The following HCFC2 variants were observed in gnomAD, a reference collection of about 807,000 sequenced individuals.
HCFC2 encodes host cell factor C2, also known as host cell factor 2.
Under a neutral mutation model 89.2 loss-of-function variants are expected in HCFC2, and 18 were observed. The observed-to-expected ratio is 0.20, with a 90% CI of 0.14 to 0.30. The LOEUF is 0.30. Among genes scored for constraint, HCFC2 ranks in the 10% least tolerant of loss-of-function variants. The pLI is 1.00. For synonymous variants in HCFC2, 308 were observed against 335.7 expected (o/e 0.92, Z 0.90); for missense variants, 578 against 956.1 (o/e 0.60, Z 5.21).
chr12:104,078,601 G>A (rs1883586242), intron 3 of HCFC2, among the ~76,000 whole-genome samples: 1 of 152,070 alleles, frequency 6.6e-6, no homozygotes, highest in Non-Finnish European at 1.5e-5. Flanking sequence ...TTTTTAGTAT[G>A]CCTCATTTAT....
chr12:104,092,462 AAAAAAT>A (rs1400343295), intron 9 of HCFC2, among the ~76,000 whole-genome samples: 1 of 152,092 alleles, frequency 6.6e-6, no homozygotes, highest in Non-Finnish European at 1.5e-5. Flanking sequence ...CCTGTCTCAA[AAAAAAT>A]AAAAATAAAA....
chr12:104,079,400 G>T, intron 3 of HCFC2, 45 bp from the exon 4 acceptor site: 1 of 1,350,306 alleles, frequency 7.4e-7, no homozygotes, highest in Non-Finnish European at 1.0e-6. Flanking sequence ...GCAAATAAAG[G>T]GTATATATTA....
At chr12:104,084,996 G>T (rs1883792309) in intron 7 of HCFC2, among the ~76,000 whole-genome samples, 1 of 152,090 alleles carries the variant, frequency 6.6e-6, no homozygotes. Flanking sequence ...GATCAAGCAG[G>T]CATTTGAATG....
Position 104,102,958 on chromosome 12 carries a change from G to A in HCFC2, c.2065-1G>A. The A allele has an allele frequency of 2.5e-5, 39 of 1,583,772 alleles. No homozygotes were observed. Among genetic ancestry groups the A allele is most frequent in the East Asian group, 1.8e-4 (8 of 43,674 alleles). On this transcript the variant is annotated splice_acceptor_variant, in intron 14 of 14. Transcript: ENST00000229330. LOFTEE classifies it high-confidence loss of function. ...ACCTGTTTTTTCCCCCCCCCTTCAA[G>A]AATGTTGAAGGTATCCACCTTTCCT... is the stretch of plus-strand genomic sequence containing the variant.
chr12:104,086,188 G>A (rs1883837537), intron 7 of HCFC2, among the ~76,000 whole-genome samples: 1 of 151,950 alleles, frequency 6.6e-6, no homozygotes, highest in Non-Finnish European at 1.5e-5. Context: ...AGTAGAGATG[G>A]GGTTTCACCA....
Position 104,106,220 on chromosome 12 carries a change from T to G in HCFC2, c.*2947T>G, listed in dbSNP as rs939053702. 1 of 152,148 alleles carries G rather than the reference T, an allele frequency of 6.6e-6. No individual in the cohort carries two copies. Among genetic ancestry groups the G allele is most frequent in the Non-Finnish European group, 1.5e-5 (1 of 67,974 alleles). 9.4% of individuals were successfully genotyped at this position (152,148 alleles called of 1,614,324 possible). ...ATTGTTGATCTATTATTTCAAAGAC[T>G]TGTAGACTAGCAAAGATTCATTCTG... On this transcript the variant is annotated 3_prime_UTR_variant, in exon 15 of 15. Transcript: ENST00000229330.
In HCFC2 at chr12:104,067,498, A is replaced by T. The variant is rs557472526; in HGVS notation, c.313-449A>T. 1.8e-3 allele frequency among the ~76,000 whole-genome samples: 270 copies of T among 152,376 alleles called. 2 individuals are homozygous for T. The highest frequency in any genetic ancestry group is 2.5e-4 in the Non-Finnish European group (17 of 68,034). ...ACTCATTGCAAAAATAATTTTAGCT[A>T]AAGAAAACATCCATGGCCAGAGAAT... On this transcript the variant is annotated intron_variant, in intron 2 of 14. Coordinates refer to ENST00000229330, the MANE Select transcript of HCFC2 (RefSeq NM_013320.3).
At position 104,068,923 on chromosome 12, in the gene HCFC2, T is replaced by C. The variant is rs982643442; in HGVS notation, c.473+816T>C. Among the ~76,000 whole-genome samples the C allele has an allele frequency of 2.6e-5, 4 of 152,108 alleles. No homozygotes were observed. Among genetic ancestry groups the C allele is most frequent in the African/African-American group, 9.7e-5 (4 of 41,414 alleles). Reference sequence around the variant, plus strand: ...ATAACATGATGGTATAAGATAGATATTTTGTATATATATTAAAATGGTTAC... The same window carrying C: ...ATAACATGATGGTATAAGATAGATACTTTGTATATATATTAAAATGGTTAC... On this transcript the variant is annotated intron_variant, in intron 3 of 14. Transcript: ENST00000229330. The surrounding 1 kb of genome is among the most constrained non-coding windows in gnomAD (Gnocchi z 4.1).
In HCFC2 at chr12:104,072,192, C is replaced by G. The variant is rs112702121; in HGVS notation, c.473+4085C>G. ...TATGAGACCAGCCTGGGCAACATGG[C>G]AAGACCCTGTCTCTGCAAAACATTA... On this transcript the variant is annotated intron_variant, in intron 3 of 14. Transcript: ENST00000229330. Among the ~76,000 whole-genome samples the G allele has an allele frequency of 1.7e-3, 260 of 152,226 alleles. 1 individual carries two copies. In the Middle Eastern group the frequency reaches 0.027, roughly 16 times the overall value.
intron 3 of HCFC2, among the ~76,000 whole-genome samples, chr12:104,071,101 C>T (rs953486331): frequency 6.6e-6 from 1 of 152,078 alleles, no homozygotes; most frequent in African/African-American, 2.4e-5. Flanking sequence ...CCACCACGCC[C>T]GGCCAATACT....
In HCFC2 at chr12:104,095,164, A is replaced by T. The variant is rs1467804332; in HGVS notation, c.1463-196A>T. ...ATGAACGAGGAAGGTAAAAAGTTGG[A>T]TATCCATTATGGATATAATGCACTT... is the stretch of plus-strand genomic sequence containing the variant. On this transcript the variant is annotated intron_variant, in intron 10 of 14. Coordinates refer to ENST00000229330, the MANE Select transcript of HCFC2 (RefSeq NM_013320.3). This position sits in a 1 kb window ranked among gnomAD's most constrained non-coding sequence, Gnocchi z 4.2. Among the ~76,000 whole-genome samples the T allele has an allele frequency of 4.6e-5, 7 of 152,188 alleles. No homozygotes were observed. The highest frequency in any genetic ancestry group is 8.8e-5 in the Non-Finnish European group (6 of 68,020).
intron 12 of HCFC2, 174 bp from the exon 13 acceptor site, chr12:104,098,169 C>T (rs76126293): frequency 2.1e-6 from 1 of 483,272 alleles, no homozygotes; most frequent in East Asian, 3.3e-5. Context: ...ATTGGCATCC[C>T]TGTTTCACTG....
rs763182590 is a variant in HCFC2, at chr12:104,079,403, A to G, written c.474-42A>G. 7 of 1,358,366 alleles carry G rather than the reference A, an allele frequency of 5.2e-6. No individual in the cohort carries two copies. In the Admixed American group the frequency reaches 7.3e-5, roughly 14 times the overall value. The allele number at this position is 1,358,366 out of a possible 1,614,324, so 84.1% of individuals were successfully genotyped here. Reference sequence around the variant, plus strand: ...TAGAAATAAAATGCAAATAAAGGGTATATATTATCTGAATGTTTTAATTTT... The same window carrying G: ...TAGAAATAAAATGCAAATAAAGGGTGTATATTATCTGAATGTTTTAATTTT... On this transcript the variant is annotated intron_variant, in intron 3 of 14. Transcript: ENST00000229330.
At chr12:104,097,091 A>G (rs945184871) in intron 12 of HCFC2, among the ~76,000 whole-genome samples, 2 of 152,184 alleles carry the variant, frequency 1.3e-5, no homozygotes, top group Admixed American at 1.3e-4. Flanking sequence ...TTACTTAGAT[A>G]AATACAAGGA....
Position 104,103,792 on chromosome 12 carries a change from T to A in HCFC2, c.*519T>A, listed in dbSNP as rs1331782975. On this transcript the variant is annotated 3_prime_UTR_variant, in exon 15 of 15. Coordinates refer to ENST00000229330, the MANE Select transcript of HCFC2 (RefSeq NM_013320.3). ...TAATTCTAATAGTTATTTGATTCCTTTCTTTGTTTACAGTTAGCACAGAGC... is the reference window on the plus strand; with the variant it reads ...TAATTCTAATAGTTATTTGATTCCTATCTTTGTTTACAGTTAGCACAGAGC... The A allele has an allele frequency of 6.6e-6, 1 of 152,170 alleles. No individual in the cohort carries two copies. Among genetic ancestry groups the A allele is most frequent in the Non-Finnish European group, 1.5e-5 (1 of 68,004 alleles). The allele number at this position is 152,170 out of a possible 1,614,324, so 9.4% of individuals were successfully genotyped here.
chr12:104,083,028 A>G (rs1041702740), intron 7 of HCFC2, 127 bp downstream of exon 7: 3 of 656,904 alleles, frequency 4.6e-6, no homozygotes, highest in Non-Finnish European at 5.2e-6. Context: ...GGAAGAAACA[A>G]TATGTATAGT....
In HCFC2 at chr12:104,079,624, G is replaced by A. The variant is rs1883619241; in HGVS notation, c.653G>A (p.Arg218His). Residue 218 changes from arginine (R) to histidine (H), a missense_variant, in exon 4 of 15, where the codon CGC (arginine) becomes CAC (histidine). Physicochemically the swap from Arg to His is conservative, Grantham distance 29. Coordinates refer to ENST00000229330, the MANE Select transcript of HCFC2 (RefSeq NM_013320.3). The stretch of plus-strand genomic sequence containing the variant: ...GTTTTTGGTGGAATGTGTGGTGCTC[G>A]CCTGGATGACCTATGGCAGCTTGAC... ...MYVFGGMCGARLDDLWQLDLE... is the reference protein window; with the variant it reads ...MYVFGGMCGAHLDDLWQLDLE... The A allele has an allele frequency of 6.2e-7, 1 of 1,614,044 alleles. No individual in the cohort carries two copies. The highest frequency in any genetic ancestry group is 8.5e-7 in the Non-Finnish European group (1 of 1,179,964).
chr12:104,100,173 A>G (rs2029893635), intron 13 of HCFC2, among the ~76,000 whole-genome samples: 1 of 152,116 alleles, frequency 6.6e-6, no homozygotes, highest in East Asian at 1.9e-4. Context: ...TGATTCTGAA[A>G]CCCCTTAAAG....
At chr12:104,097,171 C>A (rs1203776268) in intron 12 of HCFC2, among the ~76,000 whole-genome samples, 1 of 152,066 alleles carries the variant, frequency 6.6e-6, no homozygotes, top group Non-Finnish European at 1.5e-5. Flanking sequence ...TTTCTGTGAG[C>A]AAGAGTTTTC....
Sources: gnomAD v4.1 joint callset for allele counts (sites outside exome capture counted in the v4.1 genomes callset) on GRCh38, gnomAD v4.1.1 for gene constraint, Gnocchi (gnomAD v3.1) non-coding constraint, MANE v1.5 for transcripts, NCBI Gene and HGNC (gene_info 2026-07-23, HGNC 2026-07-21) for gene names.